POFUT4: variants seen among roughly 807,000 people sequenced by gnomAD.
POFUT4 encodes GDP-fucose protein O-fucosyltransferase 4.
the POFUT4 span, chr10:73,773,997 G>A: frequency 4.8e-6 from 3 of 623,714 alleles, no homozygotes; most frequent in Non-Finnish European, 7.9e-6. Context: ...CTGAATAGAT[G>A]TAAAATATAA....
the POFUT4 span, chr10:73,772,649 T>G: frequency 3.9e-6 from 6 of 1,555,710 alleles, no homozygotes; most frequent in Non-Finnish European, 5.2e-6. Context: ...GTGCGTGGCG[T>G]CCCGGAACCG....
chr10:73,773,143 G>GA, the POFUT4 span: 4 of 1,406,658 alleles, frequency 2.8e-6, no homozygotes, highest in African/African-American at 5.9e-5. Flanking sequence ...AGGTGTCCAG[G>GA]CCTCCAGGGC....
the POFUT4 span, chr10:73,772,454 C>A: frequency 8.3e-4 from 1,300 of 1,561,186 alleles, no homozygotes; most frequent in South Asian, 1.4e-3. Context: ...GTGGGCGGAA[C>A]CGTGGGATGG....
At chr10:73,773,966 G>A in the POFUT4 span, 5 of 832,328 alleles carry the variant, frequency 6.0e-6, no homozygotes, top group South Asian at 4.3e-5. Flanking sequence ...CTAGTTGGGG[G>A]GATAAGACAA....
chr10:73,775,922 C>G, the POFUT4 span: 1 of 510,696 alleles, frequency 2.0e-6, no homozygotes, highest in Admixed American at 3.4e-5. Flanking sequence ...GAAACAGAAC[C>G]CTAAAACATC....
At chr10:73,775,695 C>T in the POFUT4 span, 1 of 1,613,994 alleles carries the variant, frequency 6.2e-7, no homozygotes, top group Non-Finnish European at 8.5e-7. Context: ...AGTGCCCTTG[C>T]AAGAGCCTTT....
At chr10:73,772,733 C>CT in the POFUT4 span, 1 of 1,596,166 alleles carries the variant, frequency 6.3e-7, no homozygotes, top group Non-Finnish European at 8.5e-7. Context: ...GGCCGCCCCG[C>CT]TGCCGCGCCT....
the POFUT4 span, chr10:73,772,618 C>T: frequency 1.3e-6 from 2 of 1,562,154 alleles, no homozygotes; most frequent in East Asian, 2.4e-5. Context: ...ACTCGGAGCG[C>T]ATCGAGTGTG....
chr10:73,772,384 T>G, the POFUT4 span: 1 of 1,563,786 alleles, frequency 6.4e-7, no homozygotes, highest in Non-Finnish European at 8.6e-7. Flanking sequence ...GGGTGCTCAG[T>G]GTCTGTGCAG....
chr10:73,780,190 T>A, the POFUT4 span: 1 of 152,380 alleles, frequency 6.6e-6, no homozygotes, highest in East Asian at 1.9e-4. Flanking sequence ...CCTTTATTAC[T>A]GCAAGTGTTA....
At chr10:73,772,300 G>C in the POFUT4 span, 1 of 1,402,794 alleles carries the variant, frequency 7.1e-7, no homozygotes, top group Non-Finnish European at 9.3e-7. Flanking sequence ...CGGGGTCGGT[G>C]CTGGCCGAGG....
the POFUT4 span, chr10:73,774,484 A>G: frequency 6.6e-6 from 1 of 151,938 alleles, no homozygotes; most frequent in Non-Finnish European, 1.5e-5. Context: ...ACAATATAAT[A>G]TATAATATAA....
At chr10:73,773,832 C>A in the POFUT4 span, 1 of 1,533,302 alleles carries the variant, frequency 6.5e-7, no homozygotes, top group Non-Finnish European at 8.7e-7. Flanking sequence ...GTGCTGGGGT[C>A]CCCTGCAGCT....
chr10:73,777,626 C>T, the POFUT4 span, among the ~76,000 whole-genome samples: 1,155 of 151,224 alleles, frequency 7.6e-3, 17 homozygotes, highest in African/African-American at 0.027. Flanking sequence ...GCGATCTCAG[C>T]TTACTAGAAT....
the POFUT4 span, chr10:73,772,539 G>GT: frequency 6.4e-7 from 1 of 1,569,724 alleles, no homozygotes; most frequent in Admixed American, 1.8e-5. Flanking sequence ...CGGCCAGGGA[G>GT]GGAGGAGGCG....
At chr10:73,773,669 G>T in the POFUT4 span, 2 of 1,614,240 alleles carry the variant, frequency 1.2e-6, no homozygotes, top group Non-Finnish European at 1.7e-6. Flanking sequence ...ACTACGAACT[G>T]GCTCGGCTGG....
At chr10:73,777,310 CAA>C in the POFUT4 span, among the ~76,000 whole-genome samples, 6 of 86,554 alleles carry the variant, frequency 6.9e-5, no homozygotes, top group Non-Finnish European at 1.0e-4. Context: ...AGTAGGTTGA[CAA>C]AAAAAAAAAA....
the POFUT4 span, chr10:73,773,874 G>A: frequency 2.7e-6 from 4 of 1,500,166 alleles, no homozygotes; most frequent in Non-Finnish European, 3.5e-6. Flanking sequence ...CTTACTGTGG[G>A]CAATTAAGTA....
At chr10:73,779,515 A>G in the POFUT4 span, 2 of 151,850 alleles carry the variant, frequency 1.3e-5, no homozygotes, top group Non-Finnish European at 2.9e-5. Context: ...GTGAACCAAG[A>G]TCACGCCATT....
Sources: gnomAD v4.1 joint callset for allele counts (sites outside exome capture counted in the v4.1 genomes callset) on GRCh38, gnomAD v4.1.1 for gene constraint, MANE v1.5 for transcripts, NCBI Gene and HGNC (gene_info 2026-07-23, HGNC 2026-07-21) for gene names.